The following ARHGEF1 variants were observed in gnomAD, a reference collection of about 807,000 sequenced individuals.
The protein encoded by ARHGEF1 is Rho guanine nucleotide exchange factor 1.
In ARHGEF1, 40 loss-of-function variants were observed where a neutral mutation model predicts 119.7. The observed-to-expected ratio is 0.33, with a 90% CI of 0.26 to 0.44. The LOEUF is 0.44. Among genes scored for constraint, ARHGEF1 ranks in the 20% least tolerant of loss-of-function variants. ARHGEF1 has a pLI of 1.00. For missense variants in ARHGEF1, 976 were observed against 1,268.3 expected, an observed-to-expected ratio of 0.77 and a Z score of 3.50; for synonymous variants, 494 against 521.0, an observed-to-expected ratio of 0.95 and a Z score of 0.71.
exon 3 of ARHGEF1, chr19:41,929,920 T>A (rs2074894957): frequency 6.6e-6 from 1 of 152,144 alleles, no homozygotes; most frequent in Non-Finnish European, 1.5e-5. Context: ...TCACTCCCGC[T>A]CACCACTCAC....
At chr19:41,909,731 TG>T, downstream of ARHGEF1, 1 of 1,036,522 alleles carries the variant, frequency 9.6e-7, no homozygotes, top group Non-Finnish European at 1.4e-6. The surrounding 1 kb of genome is among the most constrained non-coding windows in gnomAD (Gnocchi z 5.2). Context: ...CAAGTAGCGA[TG>T]GTGGCTACTC....
chr19:41,889,800 T>C lies in ARHGEF1; in HGVS notation c.225+935T>C, dbSNP rs1231595517. The stretch of plus-strand genomic sequence containing the variant: ...AATTAGGAAATTGCAGTCTTTCCCC[T>C]GTCTACATTCTCTTTCCAGAAGAGT... On this transcript the variant is annotated intron_variant, in intron 4 of 28. Coordinates refer to ENST00000354532, the MANE Select transcript of ARHGEF1 (RefSeq NM_004706.4). This position sits in a 1 kb window ranked among gnomAD's most constrained non-coding sequence, Gnocchi z 4.0. 1 of 152,266 alleles carries C rather than the reference T, an allele frequency of 6.6e-6. No homozygotes were observed. Among genetic ancestry groups the C allele is most frequent in the Non-Finnish European group, 1.5e-5 (1 of 68,052 alleles). 9.4% of individuals were successfully genotyped at this position (152,266 alleles called of 1,614,324 possible).
At chr19:41,909,957 A>G, downstream of ARHGEF1, 1 of 1,613,878 alleles carries the variant, frequency 6.2e-7, no homozygotes, top group Non-Finnish European at 8.5e-7. This position sits in a 1 kb window ranked among gnomAD's most constrained non-coding sequence, Gnocchi z 5.2. Flanking sequence ...TTGATGACGA[A>G]TTCCCCGTAG....
rs898259354 is a variant in ARHGEF1 at position 41,903,990 on chromosome 19, C to T, written c.1918-45C>T. 1.8e-5 allele frequency: 22 copies of T among 1,193,566 alleles called. No homozygotes were observed. The highest frequency in any genetic ancestry group is 2.5e-5 in the Non-Finnish European group (20 of 809,746). 73.9% of individuals were successfully genotyped at this position (1,193,566 alleles called of 1,614,324 possible). On this transcript the variant is annotated intron_variant, in intron 20 of 28. Coordinates refer to ENST00000354532, the MANE Select transcript of ARHGEF1 (RefSeq NM_004706.4). This position sits in a 1 kb window ranked among gnomAD's most constrained non-coding sequence, Gnocchi z 4.2. Reference sequence around the variant, plus strand: ...CCTTCCCCTCCCCACCAACCCCAATCACCCCCTGCCAACCTGCACAAACCA... The same window carrying T: ...CCTTCCCCTCCCCACCAACCCCAATTACCCCCTGCCAACCTGCACAAACCA...
At chr19:41,908,572 T>G (rs1260393083), downstream of ARHGEF1, 3 of 1,231,306 alleles carry the variant, frequency 2.4e-6, no homozygotes, top group Non-Finnish European at 3.0e-6. This position sits in a 1 kb window ranked among gnomAD's most constrained non-coding sequence, Gnocchi z 6.7. Flanking sequence ...GGAGGCAGCT[T>G]GGGGAAGGGG....
intron 4 of ARHGEF1, among the ~76,000 whole-genome samples, chr19:41,891,308 T>G (rs1009739554): frequency 1.3e-5 from 2 of 152,100 alleles, no homozygotes; most frequent in African/African-American, 4.8e-5. Context: ...TATGAAACAG[T>G]CTCGCTCTGT....
In ARHGEF1 at chr19:41,906,977, C is replaced by A; in HGVS notation, c.*18-128C>A. On this transcript the variant is annotated intron_variant, in intron 28 of 28. Coordinates refer to ENST00000354532, the MANE Select transcript of ARHGEF1 (RefSeq NM_004706.4). The surrounding 1 kb of genome is among the most constrained non-coding windows in gnomAD (Gnocchi z 4.5). ...TGTTTCTGATAATCTGTTTCTCTGT[C>A]TCTGTGCCCGCCTGCCTCTCCCCAC... 1 of 1,013,802 alleles carries A rather than the reference C, an allele frequency of 9.9e-7. No homozygotes were observed. The highest frequency in any genetic ancestry group is 1.4e-6 in the Non-Finnish European group (1 of 716,572). 62.8% of individuals were successfully genotyped at this position (1,013,802 alleles called of 1,614,324 possible). A position where few individuals can be genotyped will look rare whatever the true frequency, so the allele number is the denominator to read the frequency against.
intron 1 of ARHGEF1, among the ~76,000 whole-genome samples, chr19:41,926,216 G>A (rs144435988): frequency 2.0e-5 from 3 of 151,532 alleles, no homozygotes; most frequent in South Asian, 2.1e-4. Context: ...AAGAGGGGAC[G>A]TATGCTCCCC....
At chr19:41,895,598 T>C in intron 12 of ARHGEF1, 112 bp downstream of exon 12, 1 of 1,201,862 alleles carries the variant, frequency 8.3e-7, no homozygotes, top group Non-Finnish European at 1.1e-6. Flanking sequence ...CACCTCCCCT[T>C]TGCTCTCAGC....
At chr19:41,913,364 T>C (rs1555851441) in intron 18 of ARHGEF1, among the ~76,000 whole-genome samples, 1 of 150,882 alleles carries the variant, frequency 6.6e-6, no homozygotes, top group Non-Finnish European at 1.5e-5. Context: ...TCCCTGCGTC[T>C]CTGGGTCTCC....
rs781966326 is a variant in ARHGEF1 at position 41,902,066 on chromosome 19, C to G, written c.1414+33C>G. ...CAGAGCCAGGGTCCCTCTGTGTACC[C>G]CACTGCCCCACGGGCAGCTCTGCTC... On this transcript the variant is annotated intron_variant, in intron 15 of 28. Coordinates refer to ENST00000354532, the MANE Select transcript of ARHGEF1 (RefSeq NM_004706.4). The surrounding 1 kb of genome is among the most constrained non-coding windows in gnomAD (Gnocchi z 6.5). 56 of 1,605,342 alleles carry G rather than the reference C, an allele frequency of 3.5e-5. No homozygotes were observed. The highest frequency in any genetic ancestry group is 4.5e-5 in the Non-Finnish European group (53 of 1,174,222).
chr19:41,887,411 G>A (rs1323838345), intron 1 of ARHGEF1, among the ~76,000 whole-genome samples: 4 of 152,146 alleles, frequency 2.6e-5, no homozygotes, highest in African/African-American at 9.7e-5. Context: ...CCCATCACTT[G>A]GTTTCTGGGA....
chr19:41,922,695 G>T (rs542757956), upstream of ARHGEF1, among the ~76,000 whole-genome samples: 1 of 152,134 alleles, frequency 6.6e-6, no homozygotes, highest in East Asian at 1.9e-4. Flanking sequence ...TGGGTGCCGG[G>T]CCACCAGGGA....
chr19:41,901,164 T>G (rs1555848952), intron 14 of ARHGEF1, among the ~76,000 whole-genome samples: 1 of 151,778 alleles, frequency 6.6e-6, no homozygotes, highest in East Asian at 1.9e-4. Context: ...TTGTTTTGTT[T>G]TTTTGAGACG....
chr19:41,884,648 C>T (rs531478927), intron 1 of ARHGEF1, among the ~76,000 whole-genome samples: 19 of 152,266 alleles, frequency 1.2e-4, no homozygotes, highest in South Asian at 6.2e-4. Context: ...GTAGACCCGC[C>T]TCATTCCGTA....
downstream of ARHGEF1, chr19:41,909,236 C>A: frequency 8.1e-7 from 1 of 1,231,696 alleles, no homozygotes; most frequent in Non-Finnish European, 1.0e-6. The surrounding 1 kb of genome is among the most constrained non-coding windows in gnomAD (Gnocchi z 5.2). Context: ...AGAGTGGGCA[C>A]CAAGTGCCTC....
intron 1 of ARHGEF1, among the ~76,000 whole-genome samples, chr19:41,887,655 C>G (rs2070212043): frequency 6.6e-6 from 1 of 152,144 alleles, no homozygotes; most frequent in African/African-American, 2.4e-5. Context: ...CCCCACTTCT[C>G]TCCCGCCTCT....
chr19:41,893,116 C>T lies in ARHGEF1; in HGVS notation c.615-158C>T, dbSNP rs1230206624. 5.5e-6 allele frequency: 6 copies of T among 1,085,216 alleles called. No individual in the cohort carries two copies. In the East Asian group the frequency reaches 7.9e-5, roughly 14 times the overall value. 67.2% of individuals were successfully genotyped at this position (1,085,216 alleles called of 1,614,324 possible). A position where few individuals can be genotyped will look rare whatever the true frequency, so the allele number is the denominator to read the frequency against. ...ATCCTCCTGGATGAGAGACCTCCCT[C>T]CCTCTTATGACAGTCCTTCCCAATC... On this transcript the variant is annotated intron_variant, in intron 7 of 28. Coordinates refer to ENST00000354532, the MANE Select transcript of ARHGEF1 (RefSeq NM_004706.4).
upstream of ARHGEF1, among the ~76,000 whole-genome samples, chr19:41,921,695 C>T (rs1335780273): frequency 6.6e-6 from 1 of 152,034 alleles, no homozygotes; most frequent in Non-Finnish European, 1.5e-5. This position sits in a 1 kb window ranked among gnomAD's most constrained non-coding sequence, Gnocchi z 4.4. Context: ...AGGGCAGAGG[C>T]AGGAGAGGGA....
Sources: allele counts gnomAD v4.1 joint callset (sites outside exome capture counted in the v4.1 genomes callset), GRCh38; gene constraint gnomAD v4.1.1; non-coding constraint Gnocchi (gnomAD v3.1); transcripts MANE v1.5; gene names NCBI Gene and HGNC (gene_info 2026-07-23, HGNC 2026-07-21).